Variants in ANK3 observed in about 807,000 individuals in gnomAD.
The protein encoded by ANK3 is ankyrin 3.
In ANK3, 57 loss-of-function variants were observed where a neutral mutation model predicts 370.9. The ratio of observed to expected loss-of-function variants is 0.15; its 90% CI spans 0.12 to 0.19. The LOEUF (loss-of-function observed/expected upper bound fraction) is 0.19. Among genes scored for constraint, ANK3 ranks in the 10% least tolerant of loss-of-function variants. The pLI, the probability that ANK3 is intolerant of heterozygous loss-of-function variation, is 1.00. For synonymous variants in ANK3, 1,929 were observed against 1,946.3 expected (o/e 0.99, Z 0.23); for missense variants, 4,439 against 5,302.1 (o/e 0.84, Z 5.06).
intron 2 of ANK3, among the ~76,000 whole-genome samples, chr10:60,578,071 G>C (rs2077704446): frequency 6.6e-6 from 1 of 152,110 alleles, no homozygotes; most frequent in Non-Finnish European, 1.5e-5. Context: ...GTATGGTTTT[G>C]ATACACTAGA....
In ANK3 at chr10:60,037,098, C is replaced by T. The variant is rs142280643; in HGVS notation, c.*19+5574G>A. On this transcript the variant is annotated intron_variant, in intron 43 of 43. Coordinates refer to ENST00000280772, the MANE Select transcript of ANK3 (RefSeq NM_020987.5). ...TTTTTGACTCAATGATTCTTCTCCA[C>T]TCTACCCACCATGCTAATCTATCAA... Among the ~76,000 whole-genome samples, 16 of 152,298 alleles carry T rather than the reference C, an allele frequency of 1.1e-4. 1 individual carries two copies. The East Asian group carries it at 3.1e-3, about 29-fold the overall frequency.
Position 60,080,541 on chromosome 10 carries a change from T to C in ANK3, c.4428A>G (p.Gly1476=). 11 of 1,612,684 alleles carry C rather than the reference T, an allele frequency of 6.8e-6. No homozygotes were observed. The highest frequency in any genetic ancestry group is 9.3e-6 in the Non-Finnish European group (11 of 1,179,210). ...RKRYSYLTEP[G]MIERSTGATR... ...TAAATGTGTTAGGAAACTCACTCATTCCAGGCTCAGTCAAGTAGCTGTAGC... is the reference window on the plus strand; with the variant it reads ...TAAATGTGTTAGGAAACTCACTCATCCCAGGCTCAGTCAAGTAGCTGTAGC... The change falls in exon 36 of 44, where the codon GGA becomes GGG. Residue 1476 remains glycine, a synonymous_variant. Transcript: ENST00000280772.
intron 2 of ANK3, among the ~76,000 whole-genome samples, chr10:60,469,029 GTGTATATATATA>G (rs2065086441): frequency 1.1e-4 from 4 of 34,960 alleles, no homozygotes; most frequent in Admixed American, 2.7e-4. Flanking sequence ...ACCACTTTTA[GTGTATATATATA>G]TATATATATA....
At chr10:60,110,753 G>A (rs1417142148) in intron 26 of ANK3, among the ~76,000 whole-genome samples, 1 of 152,176 alleles carries the variant, frequency 6.6e-6, no homozygotes, top group Admixed American at 6.5e-5. Context: ...CCTGCACTTC[G>A]TAGTTGTAAC....
At chr10:60,079,168 C>T (rs1443736705) in intron 36 of ANK3, among the ~76,000 whole-genome samples, 2 of 132,786 alleles carry the variant, frequency 1.5e-5, no homozygotes, top group Non-Finnish European at 3.2e-5. Context: ...CACCTAGCTA[C>T]CTAGCTACAC....
chr10:60,425,195 G>A (rs2063857860), intron 2 of ANK3, among the ~76,000 whole-genome samples: 2 of 152,004 alleles, frequency 1.3e-5, no homozygotes, highest in Admixed American at 6.6e-5. Context: ...CATTGTTCCC[G>A]TGGGCAAGTG....
At chr10:60,646,589 G>A (rs964231121) in intron 1 of ANK3, among the ~76,000 whole-genome samples, 5 of 152,078 alleles carry the variant, frequency 3.3e-5, no homozygotes, top group African/African-American at 1.2e-4. Flanking sequence ...TCCAGGCTCA[G>A]GGCCTGTGGC....
At chr10:60,083,066 T>C (rs1357476975) in intron 33 of ANK3, among the ~76,000 whole-genome samples, 2 of 152,150 alleles carry the variant, frequency 1.3e-5, no homozygotes, top group Non-Finnish European at 2.9e-5. Flanking sequence ...CAAATAATAA[T>C]GACAAAACAA....
At chr10:60,047,335 A>G (rs2077140851) in intron 42 of ANK3, among the ~76,000 whole-genome samples, 1 of 152,214 alleles carries the variant, frequency 6.6e-6, no homozygotes, top group Admixed American at 6.5e-5. Context: ...ACTGCATTTT[A>G]TAACTTTTAT....
In ANK3 at chr10:60,086,525, G is replaced by A. The variant is rs2086716656; in HGVS notation, c.3748+152C>T. 1.8e-5 allele frequency: 11 copies of A among 603,714 alleles called. No individual in the cohort carries two copies. The East Asian group carries it at 3.1e-4, about 17-fold the overall frequency. 37.4% of individuals were successfully genotyped at this position (603,714 alleles called of 1,614,324 possible). A position where few individuals can be genotyped will look rare whatever the true frequency, so the allele number is the denominator to read the frequency against. ...AAATGATCCTTGGGAAACCAGAGAT[G>A]AGGTGATGGACAAGTAAAATGTTTT... is the stretch of plus-strand genomic sequence containing the variant. On this transcript the variant is annotated intron_variant, in intron 30 of 43. Coordinates refer to ENST00000280772, the MANE Select transcript of ANK3 (RefSeq NM_020987.5).
chr10:60,664,554 G>A (rs932282917), intron 1 of ANK3, among the ~76,000 whole-genome samples: 8 of 152,134 alleles, frequency 5.3e-5, no homozygotes, highest in Admixed American at 1.3e-4. Flanking sequence ...AAAGCACAGA[G>A]AAACCAGAAT....
intron 26 of ANK3, among the ~76,000 whole-genome samples, chr10:60,111,151 T>C (rs998467608): frequency 1.3e-5 from 2 of 152,194 alleles, no homozygotes; most frequent in Non-Finnish European, 2.9e-5. Context: ...TGATTGGAGC[T>C]GAGTGGACTG....
intron 22 of ANK3, 63 bp from the exon 23 acceptor site, chr10:60,166,716 AACGTTTCAATATTCC>A: frequency 6.3e-7 from 1 of 1,590,592 alleles, no homozygotes. Context: ...ATTACAACAA[AACGTTTCAATATTCC>A]TGATAAACAT....
chr10:60,699,769 C>T (rs961350914), intron 1 of ANK3, among the ~76,000 whole-genome samples: 2 of 151,842 alleles, frequency 1.3e-5, no homozygotes, highest in African/African-American at 4.8e-5. Flanking sequence ...TAATGATGAC[C>T]AGAGGTCTTA....
At chr10:60,252,312 G>C (rs1464150603) in intron 7 of ANK3, among the ~76,000 whole-genome samples, 1 of 152,206 alleles carries the variant, frequency 6.6e-6, no homozygotes, top group Non-Finnish European at 1.5e-5. Context: ...CAAATGCACT[G>C]TCTGATGACA....
intron 23 of ANK3, among the ~76,000 whole-genome samples, chr10:60,147,764 A>G (rs1034517001): frequency 2.6e-5 from 4 of 151,986 alleles, no homozygotes; most frequent in South Asian, 2.1e-4. Context: ...GCCTTCCCCT[A>G]TGATTGTAAG....
chr10:60,596,727 C>A (rs1026973960), intron 2 of ANK3, among the ~76,000 whole-genome samples: 2 of 152,120 alleles, frequency 1.3e-5, no homozygotes, highest in Non-Finnish European at 2.9e-5. Context: ...AAAATGAATT[C>A]ATATCAGGGA....
intron 1 of ANK3, among the ~76,000 whole-genome samples, chr10:60,697,702 T>C (rs886722385): frequency 1.3e-5 from 2 of 151,468 alleles, no homozygotes; most frequent in East Asian, 1.9e-4. Flanking sequence ...GCTAGCCATA[T>C]GGAGAAAGCT....
intron 1 of ANK3, among the ~76,000 whole-genome samples, chr10:60,315,186 T>C (rs1423284901): frequency 6.6e-6 from 1 of 152,176 alleles, no homozygotes; most frequent in African/African-American, 2.4e-5. Flanking sequence ...GGGCCAGAGA[T>C]AGAGGGTGTA....
Sources: gnomAD v4.1 joint callset for allele counts (sites outside exome capture counted in the v4.1 genomes callset) on GRCh38, gnomAD v4.1.1 for gene constraint, MANE v1.5 for transcripts, NCBI Gene and HGNC (gene_info 2026-07-23, HGNC 2026-07-21) for gene names.